AGBL4: variants seen among roughly 807,000 people sequenced by gnomAD.
AGBL4 encodes cytosolic carboxypeptidase 6.
Under a neutral mutation model 66.4 loss-of-function variants are expected in AGBL4, and 58 were observed. That is an observed-to-expected ratio of 0.87 (90% confidence interval 0.71 to 1.09). AGBL4 has a LOEUF of 1.09. Among genes scored for constraint, AGBL4 ranks in the 50% least tolerant of loss-of-function variants. AGBL4 has a pLI of 0.00. For synonymous variants in AGBL4, 234 were observed against 222.9 expected (o/e 1.05, Z -0.44); for missense variants, 579 against 631.0 (o/e 0.92, Z 0.88).
rs145135633 is a variant in AGBL4, at chr1:48,852,265, G to A, written c.634+14926C>T. On this transcript the variant is annotated intron_variant, in intron 6 of 13. Transcript: ENST00000371839. ...TTTTCTTTTCTTTCTTTTTGAGATA[G>A]AGACTCTATTCTTTTGTCCCAGTAG... 3.3e-5 allele frequency among the ~76,000 whole-genome samples: 5 copies of A among 152,110 alleles called. No homozygotes were observed. In the East Asian group the frequency reaches 9.6e-4, roughly 29 times the overall value.
chr1:49,639,399 G>A (rs559354974), intron 3 of AGBL4, among the ~76,000 whole-genome samples: 1 of 152,214 alleles, frequency 6.6e-6, no homozygotes, highest in East Asian at 1.9e-4. Flanking sequence ...ACTTGATAAG[G>A]GAAATAGAAA....
chr1:49,296,285 C>T (rs918620086), intron 3 of AGBL4, among the ~76,000 whole-genome samples: 1 of 152,094 alleles, frequency 6.6e-6, no homozygotes, highest in Admixed American at 6.5e-5. Flanking sequence ...CCTGAGGTCA[C>T]AAAGCTTGTA....
intron 4 of AGBL4, among the ~76,000 whole-genome samples, chr1:49,057,030 G>C (rs932701994): frequency 6.6e-6 from 1 of 152,180 alleles, no homozygotes; most frequent in South Asian, 2.1e-4. Flanking sequence ...CTAGTTTGCT[G>C]AAAAAAGTAT....
intron 3 of AGBL4, among the ~76,000 whole-genome samples, chr1:49,624,124 A>G (rs1468394027): frequency 6.6e-6 from 1 of 152,050 alleles, no homozygotes; most frequent in East Asian, 1.9e-4. Context: ...GACATTTTAA[A>G]TTATTATTAT....
At chr1:49,120,435 GC>G (rs1645628762) in intron 4 of AGBL4, among the ~76,000 whole-genome samples, 1 of 152,122 alleles carries the variant, frequency 6.6e-6, no homozygotes, top group Admixed American at 6.5e-5. Context: ...CACTTATGAA[GC>G]TTAGTTTGGC....
chr1:48,767,467 A>C (rs1265393762), intron 6 of AGBL4, among the ~76,000 whole-genome samples: 1 of 152,228 alleles, frequency 6.6e-6, no homozygotes, highest in East Asian at 1.9e-4. Flanking sequence ...TTAATGTGAC[A>C]GTGGCAAGCA....
intron 3 of AGBL4, among the ~76,000 whole-genome samples, chr1:49,294,201 T>C (rs1036432244): frequency 9.9e-5 from 15 of 152,212 alleles, no homozygotes; most frequent in Non-Finnish European, 2.1e-4. Flanking sequence ...TTGATATTAA[T>C]GGTATGTAAC....
chr1:49,282,367 A>G (rs987153487), intron 3 of AGBL4, among the ~76,000 whole-genome samples: 1 of 152,184 alleles, frequency 6.6e-6, no homozygotes, highest in African/African-American at 2.4e-5. Context: ...CTTTGTCTCA[A>G]AAAAAGGAGT....
chr1:49,108,860 C>T (rs572356678), intron 4 of AGBL4, among the ~76,000 whole-genome samples: 29 of 152,212 alleles, frequency 1.9e-4, no homozygotes, highest in South Asian at 6.2e-4. Flanking sequence ...AAATCTGGGT[C>T]CAGTAGGTAT....
At chr1:49,059,676 G>A (rs1031981051) in intron 4 of AGBL4, among the ~76,000 whole-genome samples, 20 of 152,200 alleles carry the variant, frequency 1.3e-4, no homozygotes, top group African/African-American at 4.3e-4. Context: ...GAGGGGGACT[G>A]TACCCTGCAA....
intron 5 of AGBL4, among the ~76,000 whole-genome samples, chr1:48,977,607 T>A (rs1247389687): frequency 1.3e-5 from 2 of 152,068 alleles, no homozygotes; most frequent in Non-Finnish European, 2.9e-5. Flanking sequence ...ATTAGGAGGT[T>A]TTATTTCCTA....
At chr1:49,890,567 A>G (rs1648543209) in intron 1 of AGBL4, among the ~76,000 whole-genome samples, 1 of 152,252 alleles carries the variant, frequency 6.6e-6, no homozygotes, top group Non-Finnish European at 1.5e-5. Flanking sequence ...TTATAAATAT[A>G]TAATTCCACC....
intron 1 of AGBL4, among the ~76,000 whole-genome samples, chr1:49,972,771 C>T (rs1002840587): frequency 5.3e-5 from 8 of 152,150 alleles, no homozygotes; most frequent in African/African-American, 1.4e-4. Context: ...TAGGTATGTA[C>T]GTAGAAGAAA....
At chr1:49,577,415 G>A (rs946641687) in intron 3 of AGBL4, among the ~76,000 whole-genome samples, 1 of 152,214 alleles carries the variant, frequency 6.6e-6, no homozygotes, top group Non-Finnish European at 1.5e-5. Flanking sequence ...TGCCCAATTT[G>A]CCAGCAGCAG....
chr1:49,337,152 G>C (rs924357721), intron 3 of AGBL4, among the ~76,000 whole-genome samples: 1 of 152,136 alleles, frequency 6.6e-6, no homozygotes, highest in Admixed American at 6.5e-5. Context: ...AGATAACTGA[G>C]ATGGCATGTA....
chr1:49,561,675 T>C (rs1198266577), intron 3 of AGBL4, among the ~76,000 whole-genome samples: 2 of 152,166 alleles, frequency 1.3e-5, no homozygotes, highest in African/African-American at 2.4e-5. Context: ...CCATGGTGTA[T>C]ATGTGCCACA....
intron 2 of AGBL4, among the ~76,000 whole-genome samples, chr1:49,743,325 G>C (rs1199636936): frequency 6.6e-6 from 1 of 152,186 alleles, no homozygotes; most frequent in Non-Finnish European, 1.5e-5. Flanking sequence ...CTAGCCATCA[G>C]AGAAATGCAA....
chr1:49,698,279 T>C (rs1420858990), intron 2 of AGBL4, among the ~76,000 whole-genome samples: 1 of 152,162 alleles, frequency 6.6e-6, no homozygotes, highest in African/African-American at 2.4e-5. Flanking sequence ...GTTAGAATCA[T>C]ATTAATAGAA....
chr1:49,381,711 T>C (rs917135804), intron 3 of AGBL4, among the ~76,000 whole-genome samples: 46 of 151,584 alleles, frequency 3.0e-4, no homozygotes, highest in African/African-American at 1.1e-3. Context: ...ATGGATGAAA[T>C]TGGAAATCAT....
Sources: allele counts gnomAD v4.1 joint callset (sites outside exome capture counted in the v4.1 genomes callset), GRCh38; gene constraint gnomAD v4.1.1; transcripts MANE v1.5; gene names NCBI Gene and HGNC (gene_info 2026-07-23, HGNC 2026-07-21).